The following FRMD4A variants were observed in gnomAD, a reference collection of about 807,000 sequenced individuals.
The protein encoded by FRMD4A is FERM domain-containing protein 4A.
In FRMD4A, 29 loss-of-function variants were observed where a neutral mutation model predicts 129.1. That is an observed-to-expected ratio of 0.22 (90% CI 0.17 to 0.31). The LOEUF is 0.31. Among genes scored for constraint, FRMD4A ranks in the 10% least tolerant of loss-of-function variants. The pLI, the probability that FRMD4A is intolerant of heterozygous loss-of-function variation, is 1.00. For missense variants in FRMD4A, 1,272 were observed against 1,375.8 expected (o/e 0.92, Z 1.19); for synonymous variants, 634 against 571.6 (o/e 1.11, Z -1.56).
chr10:13,869,202 C>T (rs900367205), intron 2 of FRMD4A, among the ~76,000 whole-genome samples: 2 of 152,178 alleles, frequency 1.3e-5, no homozygotes, highest in African/African-American at 4.8e-5. Flanking sequence ...CACATGAATG[C>T]TACAGGGCAG....
intron 3 of FRMD4A, among the ~76,000 whole-genome samples, chr10:13,842,662 A>G (rs2093984844): frequency 6.6e-6 from 1 of 152,166 alleles, no homozygotes; most frequent in Admixed American, 6.5e-5. Context: ...GTGCTGGTAT[A>G]TTTTCTGTTG....
intron 2 of FRMD4A, among the ~76,000 whole-genome samples, chr10:13,889,061 G>A (rs954810199): frequency 2.6e-5 from 4 of 152,180 alleles, no homozygotes; most frequent in South Asian, 2.1e-4. Flanking sequence ...ACGCACGTGC[G>A]GATGCAAACA....
intron 2 of FRMD4A, among the ~76,000 whole-genome samples, chr10:13,887,468 G>A (rs1194085187): frequency 6.6e-6 from 1 of 152,002 alleles, no homozygotes; most frequent in South Asian, 2.1e-4. Context: ...ATCACATGGT[G>A]AGGAGATCGA....
At chr10:14,094,965 T>C (rs1427258257) in intron 2 of FRMD4A, among the ~76,000 whole-genome samples, 1 of 151,584 alleles carries the variant, frequency 6.6e-6, no homozygotes, top group East Asian at 1.9e-4. Flanking sequence ...CAACCAAGAG[T>C]GTGGGGGGGA....
intron 2 of FRMD4A, among the ~76,000 whole-genome samples, chr10:14,123,658 T>C (rs371393634): frequency 6.6e-6 from 1 of 152,210 alleles, no homozygotes; most frequent in East Asian, 1.9e-4. Context: ...TCTTGACATA[T>C]ACTAGAAGTC....
At chr10:14,094,224 G>A (rs570241454) in intron 2 of FRMD4A, among the ~76,000 whole-genome samples, 1 of 152,336 alleles carries the variant, frequency 6.6e-6, no homozygotes, top group South Asian at 2.1e-4. Flanking sequence ...GAACCCAAAT[G>A]CCAGACGACA....
At chr10:14,026,605 A>G (rs1027144210) in intron 2 of FRMD4A, among the ~76,000 whole-genome samples, 4 of 152,134 alleles carry the variant, frequency 2.6e-5, no homozygotes, top group East Asian at 1.9e-4. Context: ...CAGAAAATCT[A>G]TTTCCCTGAT....
chr10:14,183,151 C>T (rs1438123555), intron 2 of FRMD4A, among the ~76,000 whole-genome samples: 1 of 152,154 alleles, frequency 6.6e-6, no homozygotes, highest in East Asian at 1.9e-4. Context: ...AAGTGATCTC[C>T]AGATTATATG....
chr10:14,047,723 T>C (rs1195446311), intron 2 of FRMD4A, among the ~76,000 whole-genome samples: 2 of 152,190 alleles, frequency 1.3e-5, no homozygotes, highest in African/African-American at 4.8e-5. Flanking sequence ...ATACTTTCTT[T>C]TGAGGGACTT....
intron 2 of FRMD4A, among the ~76,000 whole-genome samples, chr10:13,981,269 C>T (rs1005984242): frequency 4.6e-5 from 7 of 152,188 alleles, no homozygotes; most frequent in African/African-American, 1.7e-4. Flanking sequence ...CACAGTGGCA[C>T]AGGCAACCAG....
intron 2 of FRMD4A, among the ~76,000 whole-genome samples, chr10:13,878,789 A>AG (rs199681603): frequency 0.035 from 3,817 of 108,956 alleles, 101 homozygotes; most frequent in African/African-American, 0.078. Context: ...AGAGAGAGAG[A>AG]AAGAGAGAAG....
chr10:13,766,134 A>G (rs561654821), intron 6 of FRMD4A, among the ~76,000 whole-genome samples: 2 of 152,330 alleles, frequency 1.3e-5, no homozygotes, highest in East Asian at 3.9e-4. Context: ...CTTTTATTCT[A>G]TTTTACACAG....
intron 2 of FRMD4A, among the ~76,000 whole-genome samples, chr10:14,286,101 T>A (rs1276701783): frequency 6.6e-6 from 1 of 152,234 alleles, no homozygotes; most frequent in African/African-American, 2.4e-5. Context: ...TTGCCCTTAC[T>A]TATTCTGATT....
intron 12 of FRMD4A, among the ~76,000 whole-genome samples, chr10:13,726,109 T>G (rs1396781748): frequency 1.3e-5 from 2 of 152,136 alleles, no homozygotes; most frequent in Non-Finnish European, 2.9e-5. Flanking sequence ...ACCCTGTCTC[T>G]GCAAAAAATA....
intron 11 of FRMD4A, 78 bp from the exon 12 acceptor site, chr10:13,738,008 A>T: frequency 1.2e-6 from 1 of 822,832 alleles, no homozygotes. Context: ...TTCCTGGCTC[A>T]GGGGCAGACG....
intron 12 of FRMD4A, chr10:13,707,880 A>G (rs1418293879): frequency 2.0e-6 from 2 of 985,322 alleles, no homozygotes; most frequent in African/African-American, 3.5e-5. Flanking sequence ...CCTTCGGACC[A>G]GTGAGCTCGT....
intron 2 of FRMD4A, among the ~76,000 whole-genome samples, chr10:14,300,198 C>T (rs1040217220): frequency 3.3e-5 from 5 of 152,038 alleles, no homozygotes; most frequent in South Asian, 4.2e-4. Context: ...CCATATCTCT[C>T]GAGTCCCCAG....
intron 2 of FRMD4A, among the ~76,000 whole-genome samples, chr10:13,985,587 C>A (rs941461384): frequency 6.6e-6 from 1 of 152,152 alleles, no homozygotes; most frequent in Non-Finnish European, 1.5e-5. Flanking sequence ...GAAGAAGGGC[C>A]CTGAGCTGGG....
intron 12 of FRMD4A, 47 bp downstream of exon 12, chr10:13,737,795 CCT>C: frequency 9.9e-7 from 1 of 1,007,720 alleles, no homozygotes; most frequent in Non-Finnish European, 1.6e-6. Context: ...TACGCCTGTT[CCT>C]CTCTGGATCT....
Sources: allele counts gnomAD v4.1 joint callset (sites outside exome capture counted in the v4.1 genomes callset), GRCh38; gene constraint gnomAD v4.1.1; transcripts MANE v1.5; gene names NCBI Gene and HGNC (gene_info 2026-07-23, HGNC 2026-07-21).